PDXDC1: variants seen among roughly 807,000 people sequenced by gnomAD.
The protein encoded by PDXDC1 is pyridoxal dependent decarboxylase domain containing 1.
Under a neutral mutation model 100.1 loss-of-function variants are expected in PDXDC1, and 42 were observed. The ratio of observed to expected loss-of-function variants is 0.42; its 90% CI spans 0.33 to 0.54. The LOEUF (loss-of-function observed/expected upper bound fraction) is 0.54. Ranked by LOEUF, PDXDC1 falls within the 20% of genes least tolerant of loss-of-function variation. The pLI, the probability that PDXDC1 is intolerant of heterozygous loss-of-function variation, is 0.10. For missense variants in PDXDC1, 636 were observed against 979.2 expected (o/e 0.65, Z 4.68); for synonymous variants, 260 against 371.7 (o/e 0.70, Z 3.46).
At chr16:15,143,630 T>C (rs2966138), downstream of PDXDC1, among the ~76,000 whole-genome samples, 3 of 152,082 alleles carry the variant, frequency 2.0e-5, no homozygotes, top group African/African-American at 4.8e-5. Context: ...GGAAGTCTTG[T>C]GGCTGGGCCT....
chr16:15,074,266 A>G (rs1365880081), intron 16 of PDXDC1, among the ~76,000 whole-genome samples: 1 of 152,200 alleles, frequency 6.6e-6, no homozygotes, highest in Non-Finnish European at 1.5e-5. Context: ...ATGTGAATGG[A>G]AAAAAATTCT....
intron 16 of PDXDC1, among the ~76,000 whole-genome samples, chr16:15,058,287 C>A (rs2044594893): frequency 6.6e-6 from 1 of 151,118 alleles, no homozygotes; most frequent in African/African-American, 2.4e-5. Flanking sequence ...ACAGCAAGAC[C>A]GTCTCAAAAA....
At chr16:14,984,017 G>T (rs1182526325) in intron 1 of PDXDC1, among the ~76,000 whole-genome samples, 1 of 152,228 alleles carries the variant, frequency 6.6e-6, no homozygotes, top group Non-Finnish European at 1.5e-5. Context: ...TAAAAACTTA[G>T]CCAGGCTTGG....
chr16:15,137,344 G>A lies in PDXDC1; in HGVS notation c.1400-1535G>A, dbSNP rs920385892. 9.4e-6 allele frequency: 14 copies of A among 1,493,322 alleles called. No homozygotes were observed. The African/African-American group carries it at 1.2e-4, about 13-fold the overall frequency. 92.5% of individuals were successfully genotyped at this position (1,493,322 alleles called of 1,614,324 possible). ...GGCCGGAGCAGAGGGACAGGCAGGCGAAGGAGGCACTAGAGGGCTGGGCCG... is the reference window on the plus strand; with the variant it reads ...GGCCGGAGCAGAGGGACAGGCAGGCAAAGGAGGCACTAGAGGGCTGGGCCG... On this transcript the variant is annotated intron_variant, in intron 16 of 16. Coordinates refer to the PDXDC1 transcript ENST00000535621.
At chr16:15,034,574 C>T in intron 21 of PDXDC1, 21 bp downstream of exon 21, 1 of 1,573,034 alleles carries the variant, frequency 6.4e-7, no homozygotes, top group Non-Finnish European at 8.7e-7. Flanking sequence ...ATAGCCTCTT[C>T]CCAGGTCTTG....
the PDXDC1 span, among the ~76,000 whole-genome samples, chr16:15,147,833 C>G: frequency 1.6e-4 from 24 of 152,048 alleles, no homozygotes; most frequent in Non-Finnish European, 3.2e-4. Context: ...GGATTACAGG[C>G]GCCCACCACC....
At chr16:14,989,197 G>C in intron 1 of PDXDC1, 1 of 1,614,258 alleles carries the variant, frequency 6.2e-7, no homozygotes, top group Non-Finnish European at 8.5e-7. Context: ...ATCTCCAAGA[G>C]CTCCAGCATT....
rs554290033 is a variant in PDXDC1 at position 15,136,065 on chromosome 16, G to A, written c.1400-2814G>A. 79 of 1,576,744 alleles carry A rather than the reference G, an allele frequency of 5.0e-5. No homozygotes were observed. The African/African-American group carries it at 9.1e-4, about 18-fold the overall frequency. ...GGCAGCTCTCCAGGCTGAAGGCCTC[G>A]CCCTGCGGCGCTGGGCCCACCTCCA... On this transcript the variant is annotated intron_variant, in intron 16 of 16. Coordinates refer to the PDXDC1 transcript ENST00000535621.
At chr16:14,982,330 TGAGAG>T (rs1468567205) in intron 1 of PDXDC1, among the ~76,000 whole-genome samples, 1 of 152,294 alleles carries the variant, frequency 6.6e-6, no homozygotes, top group African/African-American at 2.4e-5. Flanking sequence ...TCTTAGAAGA[TGAGAG>T]GAGACGGCTG....
At chr16:15,144,420 C>G in the PDXDC1 span, among the ~76,000 whole-genome samples, 11 of 152,094 alleles carry the variant, frequency 7.2e-5, no homozygotes, top group South Asian at 2.3e-3. Context: ...GCTGGGCAGA[C>G]GGCTGCTGGC....
chr16:15,143,584 G>A (rs568720419), downstream of PDXDC1, among the ~76,000 whole-genome samples: 9 of 152,334 alleles, frequency 5.9e-5, no homozygotes, highest in East Asian at 7.7e-4. Context: ...CACAGTTGGC[G>A]CGAGGGTGGG....
intron 1 of PDXDC1, among the ~76,000 whole-genome samples, chr16:14,986,976 A>G (rs1410508272): frequency 6.6e-6 from 1 of 152,284 alleles, no homozygotes; most frequent in African/African-American, 2.4e-5. Context: ...CAAACTCTTG[A>G]CATTGGGTGA....
chr16:15,112,215 G>A (rs1179682185), intron 16 of PDXDC1, among the ~76,000 whole-genome samples: 2 of 148,406 alleles, frequency 1.3e-5, no homozygotes, highest in African/African-American at 4.9e-5. Context: ...ATCTCCTGAG[G>A]TAGTCATTGA....
chr16:15,086,522 TTATATCAA>T (rs2045922592), intron 16 of PDXDC1: 1 of 1,590,926 alleles, frequency 6.3e-7, no homozygotes, highest in South Asian at 1.1e-5. Context: ...TACAGCTATC[TTATATCAA>T]TCATTTATCA....
At chr16:15,040,177 A>C, downstream of PDXDC1, 1 of 591,506 alleles carries the variant, frequency 1.7e-6, no homozygotes, top group Non-Finnish European at 3.0e-6. Context: ...AAGTGAACAG[A>C]ATGGCTCCTA....
downstream of PDXDC1, chr16:15,038,343 A>C (rs1180457130): frequency 1.1e-5 from 8 of 696,482 alleles, no homozygotes; most frequent in Non-Finnish European, 1.9e-5. Context: ...GGTGGCCTGA[A>C]TTAGTAAGAA....
chr16:15,052,736 A>T (rs183151195), intron 16 of PDXDC1, among the ~76,000 whole-genome samples: 1 of 152,228 alleles, frequency 6.6e-6, no homozygotes. Flanking sequence ...GTGGCAGGAG[A>T]ATCACTTGAA....
intron 16 of PDXDC1, among the ~76,000 whole-genome samples, chr16:15,073,369 A>G (rs545355687): frequency 6.6e-6 from 1 of 152,272 alleles, no homozygotes; most frequent in South Asian, 2.1e-4. Context: ...AGGCGGATGA[A>G]CCGCTTGAGC....
At chr16:15,038,346 A>AAC (rs1158563730), downstream of PDXDC1, 8 of 690,028 alleles carry the variant, frequency 1.2e-5, no homozygotes, top group Non-Finnish European at 1.9e-5. Context: ...GGCCTGAATT[A>AAC]GTAAGAAAAA....
Sources: allele counts gnomAD v4.1 joint callset (sites outside exome capture counted in the v4.1 genomes callset), GRCh38; gene constraint gnomAD v4.1.1; transcripts MANE v1.5; gene names NCBI Gene and HGNC (gene_info 2026-07-23, HGNC 2026-07-21).